Variants in SMC2 observed in about 807,000 individuals in gnomAD.
SMC2 encodes structural maintenance of chromosomes protein 2.
SMC2 carries 41 observed loss-of-function variants against 142.6 expected under a neutral mutation model. The ratio of observed to expected loss-of-function variants is 0.29; its 90% CI spans 0.22 to 0.37. The LOEUF (loss-of-function observed/expected upper bound fraction) is 0.37, where lower values mean the gene tolerates loss of function less well. Among genes scored for constraint, SMC2 ranks in the 10% least tolerant of loss-of-function variants. The probability of loss-of-function intolerance (pLI) is 1.00; values close to 1 mark genes in which losing one functional copy is unlikely to be tolerated. For missense variants in SMC2, 1,265 were observed against 1,373.7 expected (o/e 0.92, Z 1.25); for synonymous variants, 463 against 457.5 (o/e 1.01, Z -0.15).
At chr9:104,108,915 TC>T (rs1832113143) in intron 9 of SMC2, among the ~76,000 whole-genome samples, 1 of 152,150 alleles carries the variant, frequency 6.6e-6, no homozygotes, top group Non-Finnish European at 1.5e-5. Flanking sequence ...CAGCACATGA[TC>T]CCCTGGTTTA....
At chr9:104,091,724 G>T (rs1829983150), upstream of SMC2, among the ~76,000 whole-genome samples, 1 of 152,138 alleles carries the variant, frequency 6.6e-6, no homozygotes, top group Non-Finnish European at 1.5e-5. Context: ...GGGTCCCTGT[G>T]AGAAGAGCTT....
intron 21 of SMC2, among the ~76,000 whole-genome samples, chr9:104,130,744 T>C (rs1834873508): frequency 6.6e-6 from 1 of 152,194 alleles, no homozygotes; most frequent in South Asian, 2.1e-4. Flanking sequence ...GATATATTTG[T>C]AGAAGGAAAA....
upstream of SMC2, among the ~76,000 whole-genome samples, chr9:104,091,149 C>A (rs1271253080): frequency 3.3e-5 from 5 of 152,184 alleles, no homozygotes; most frequent in African/African-American, 1.2e-4. Context: ...AAAATACAGT[C>A]ATGCGTTGCC....
chr9:104,111,347 T>C (rs2131378257), intron 9 of SMC2, among the ~76,000 whole-genome samples: 1 of 152,296 alleles, frequency 6.6e-6, no homozygotes, highest in Admixed American at 6.5e-5. Context: ...CAATGTCTCA[T>C]GGATTTAATT....
intron 24 of SMC2, 87 bp from the exon 25 acceptor site, chr9:104,139,052 C>A: frequency 1.3e-6 from 1 of 782,720 alleles, no homozygotes; most frequent in Non-Finnish European, 1.9e-6. Context: ...AAAATTATCT[C>A]CAAACCATTC....
chr9:104,094,266 A>G (rs372023369), upstream of SMC2: 100 of 398,566 alleles, frequency 2.5e-4, no homozygotes, highest in African/African-American at 1.9e-3. Flanking sequence ...CCAGCACAGG[A>G]AATAAGCAAT....
At chr9:104,115,444 G>T (rs192568561) in intron 13 of SMC2, among the ~76,000 whole-genome samples, 3 of 151,844 alleles carry the variant, frequency 2.0e-5, no homozygotes, top group Admixed American at 6.6e-5. Flanking sequence ...GCGTAGTGGC[G>T]TGCGCCTGGA....
intron 15 of SMC2, among the ~76,000 whole-genome samples, 187 bp downstream of exon 15, chr9:104,118,562 G>A (rs188199879): frequency 1.0e-3 from 156 of 152,152 alleles, no homozygotes; most frequent in African/African-American, 3.6e-3. Flanking sequence ...CCTTGAAATG[G>A]TACCTTAATG....
chr9:104,131,708 A>C (rs1399020130), intron 21 of SMC2, among the ~76,000 whole-genome samples: 1 of 145,280 alleles, frequency 6.9e-6, no homozygotes, highest in Non-Finnish European at 1.5e-5. Flanking sequence ...TAGTGGAGTC[A>C]AAATATTTTA....
At chr9:104,131,761 T>C (rs1834998055) in intron 21 of SMC2, among the ~76,000 whole-genome samples, 1 of 151,866 alleles carries the variant, frequency 6.6e-6, no homozygotes, top group South Asian at 2.1e-4. Context: ...AATTTAGTTA[T>C]ATACATATGG....
intron 19 of SMC2, 101 bp downstream of exon 19, chr9:104,126,885 G>C: frequency 1.0e-5 from 12 of 1,147,998 alleles, no homozygotes; most frequent in Admixed American, 2.5e-5. Flanking sequence ...CTTTTCACTC[G>C]TCATCATGAG....
At chr9:104,124,285 T>A (rs1223549196) in intron 17 of SMC2, among the ~76,000 whole-genome samples, 1 of 152,002 alleles carries the variant, frequency 6.6e-6, no homozygotes, top group East Asian at 1.9e-4. Flanking sequence ...TGAGGTTTTA[T>A]CATGTTGGTC....
At chr9:104,125,806 GT>G (rs1418622003) in intron 18 of SMC2, among the ~76,000 whole-genome samples, 1 of 152,086 alleles carries the variant, frequency 6.6e-6, no homozygotes, top group Admixed American at 6.5e-5. Context: ...CTGAACCTAG[GT>G]TTTTGTCTCC....
chr9:104,136,721 C>T (rs895442620), intron 23 of SMC2, among the ~76,000 whole-genome samples: 18 of 150,006 alleles, frequency 1.2e-4, no homozygotes, highest in Non-Finnish European at 1.2e-4. Context: ...TTAACAGTCT[C>T]ACTGTGATTT....
intron 14 of SMC2, among the ~76,000 whole-genome samples, chr9:104,117,359 G>C (rs1303837683): frequency 6.6e-6 from 1 of 152,188 alleles, no homozygotes; most frequent in Non-Finnish European, 1.5e-5. Context: ...GTGTTACATA[G>C]AGCTTCCTTC....
intron 23 of SMC2, chr9:104,136,136 A>C: frequency 3.3e-6 from 1 of 301,996 alleles, no homozygotes; most frequent in Non-Finnish European, 6.6e-6. Context: ...CAACATTCAC[A>C]TAATTGAAAT....
chr9:104,137,477 T>C (rs1835672349), intron 23 of SMC2, among the ~76,000 whole-genome samples: 1 of 152,142 alleles, frequency 6.6e-6, no homozygotes, highest in African/African-American at 2.4e-5. Context: ...GTGATGTACT[T>C]AGAGTAATGG....
chr9:104,138,307 T>TAAAC (rs765584465), intron 24 of SMC2, 142 bp downstream of exon 24: 2 of 631,428 alleles, frequency 3.2e-6, no homozygotes, highest in Non-Finnish European at 4.8e-6. Flanking sequence ...AATAGACTTA[T>TAAAC]GTTTAAATAG....
chr9:104,091,327 T>C (rs1829979047), upstream of SMC2, among the ~76,000 whole-genome samples: 2 of 152,176 alleles, frequency 1.3e-5, no homozygotes, highest in African/African-American at 4.8e-5. Context: ...TATAACACAA[T>C]GTTGTGTTTG....
Sources: allele counts gnomAD v4.1 joint callset (sites outside exome capture counted in the v4.1 genomes callset), GRCh38; gene constraint gnomAD v4.1.1; transcripts MANE v1.5; gene names NCBI Gene and HGNC (gene_info 2026-07-23, HGNC 2026-07-21).